The following ABCC9 variants were observed in gnomAD, a reference collection of about 807,000 sequenced individuals.
ABCC9 encodes ATP-binding cassette sub-family C member 9.
ABCC9 carries 95 observed loss-of-function variants against 188.3 expected under a neutral mutation model. That is an observed-to-expected ratio of 0.50 (90% CI 0.43 to 0.60). The LOEUF (loss-of-function observed/expected upper bound fraction) is 0.60, where lower values mean the gene tolerates loss of function less well. Among genes scored for constraint, ABCC9 ranks in the 20% least tolerant of loss-of-function variants. The probability of loss-of-function intolerance (pLI) is 0.00; values close to 1 mark genes in which losing one functional copy is unlikely to be tolerated. For synonymous variants in ABCC9, 659 were observed against 652.7 expected, an observed-to-expected ratio of 1.01 and a Z score of -0.15; for missense variants, 1,102 against 1,876.3, an observed-to-expected ratio of 0.59 and a Z score of 7.62.
intron 31 of ABCC9, among the ~76,000 whole-genome samples, chr12:21,820,715 C>T (rs944174348): frequency 1.2e-4 from 19 of 152,006 alleles, no homozygotes; most frequent in African/African-American, 3.9e-4. Flanking sequence ...AAATGCTTGT[C>T]GGTAGGTCTC....
At chr12:21,838,898 C>T (rs2137344790) in intron 29 of ABCC9, among the ~76,000 whole-genome samples, 1 of 152,184 alleles carries the variant, frequency 6.6e-6, no homozygotes, top group Non-Finnish European at 1.5e-5. Context: ...TGGTGGTGCA[C>T]ACCAGTAATC....
chr12:21,839,394 A>G (rs1944264473), intron 29 of ABCC9, among the ~76,000 whole-genome samples: 1 of 152,198 alleles, frequency 6.6e-6, no homozygotes. Flanking sequence ...GAGGGAAAGG[A>G]TAATGAGTTT....
At chr12:21,868,092 G>T (rs921788225) in intron 18 of ABCC9, among the ~76,000 whole-genome samples, 9 of 152,152 alleles carry the variant, frequency 5.9e-5, no homozygotes, top group African/African-American at 2.2e-4. Context: ...CAATTTTGGA[G>T]AATTTTTTTC....
chr12:21,892,265 A>AT (rs559738987), intron 14 of ABCC9, among the ~76,000 whole-genome samples: 100 of 151,392 alleles, frequency 6.6e-4, no homozygotes, highest in Non-Finnish European at 1.2e-3. Flanking sequence ...GATTGTTTTC[A>AT]TTTTTTTTTA....
chr12:21,817,069 G>T, intron 33 of ABCC9, 118 bp downstream of exon 33: 1 of 1,146,040 alleles, frequency 8.7e-7, no homozygotes, highest in Non-Finnish European at 1.3e-6. Flanking sequence ...CAAGATATGA[G>T]AGAGTTTTCT....
chr12:21,919,153 G>A (rs1203566058), intron 5 of ABCC9, among the ~76,000 whole-genome samples: 1 of 151,564 alleles, frequency 6.6e-6, no homozygotes, highest in African/African-American at 2.4e-5. Context: ...GAATAAAAAA[G>A]GATCCCCCAA....
intron 4 of ABCC9, among the ~76,000 whole-genome samples, chr12:21,931,087 C>T (rs1464120283): frequency 6.6e-6 from 1 of 152,100 alleles, no homozygotes; most frequent in East Asian, 1.9e-4. Flanking sequence ...TATGGTTTGG[C>T]TGTGTTCCCA....
At chr12:21,805,688 A>G (rs1941788678) in intron 39 of ABCC9, among the ~76,000 whole-genome samples, 1 of 152,178 alleles carries the variant, frequency 6.6e-6, no homozygotes, top group African/African-American at 2.4e-5. Context: ...AGATTATAGA[A>G]AAGAGAATTA....
At chr12:21,889,322 T>C (rs901199638) in intron 14 of ABCC9, among the ~76,000 whole-genome samples, 1 of 146,008 alleles carries the variant, frequency 6.8e-6, no homozygotes, top group African/African-American at 2.4e-5. Flanking sequence ...AAAAACAGTG[T>C]TATAAATGCG....
intron 30 of ABCC9, among the ~76,000 whole-genome samples, chr12:21,830,621 C>T (rs563202048): frequency 2.6e-5 from 4 of 152,252 alleles, no homozygotes; most frequent in African/African-American, 4.8e-5. Context: ...CCATACAGGC[C>T]AATATAAAGC....
chr12:21,902,255 C>G (rs1472292430), intron 12 of ABCC9, among the ~76,000 whole-genome samples: 3 of 152,066 alleles, frequency 2.0e-5, no homozygotes, highest in Admixed American at 2.0e-4. Flanking sequence ...CCAACGAGAA[C>G]AAAGACACAA....
chr12:21,929,865 G>A (rs1949204558), intron 4 of ABCC9, among the ~76,000 whole-genome samples: 1 of 152,020 alleles, frequency 6.6e-6, no homozygotes, highest in Admixed American at 6.6e-5. Flanking sequence ...TTAAGTTCTA[G>A]GGTACATGTG....
intron 10 of ABCC9, among the ~76,000 whole-genome samples, chr12:21,909,533 C>T (rs929905852): frequency 2.6e-5 from 4 of 151,820 alleles, no homozygotes; most frequent in South Asian, 2.1e-4. Context: ...AAGAAGAAAA[C>T]GTGTCTTTAC....
intron 26 of ABCC9, 131 bp from the exon 27 acceptor site, chr12:21,845,046 A>T: frequency 8.3e-7 from 1 of 1,208,730 alleles, no homozygotes; most frequent in African/African-American, 1.5e-5. Flanking sequence ...CGGTTGAAGG[A>T]ATGCAATTTT....
chr12:21,862,101 ATT>A (rs1013787620), intron 20 of ABCC9, among the ~76,000 whole-genome samples: 3 of 151,042 alleles, frequency 2.0e-5, no homozygotes, highest in Admixed American at 6.6e-5. Flanking sequence ...TTGTTCTTCA[ATT>A]TTTTTTTCTC....
At chr12:21,859,509 G>T in intron 22 of ABCC9, 77 bp downstream of exon 22, 4 of 1,394,550 alleles carry the variant, frequency 2.9e-6, no homozygotes, top group Non-Finnish European at 1.0e-6. Flanking sequence ...TGAGTTACTT[G>T]ACTTACACCT....
In ABCC9 at chr12:21,799,853, T is replaced by C. The variant is rs1416826405; in HGVS notation, c.*1191A>G. 1 of 152,186 alleles carries C rather than the reference T, an allele frequency of 6.6e-6. No individual in the cohort carries two copies. 9.4% of individuals were successfully genotyped at this position (152,186 alleles called of 1,614,324 possible). Reference sequence around the variant, plus strand: ...TGACAAAGAAGGTGACTTTTAGTATTTTTGAATTTATTAATTTTCATTTAA... The same window carrying C: ...TGACAAAGAAGGTGACTTTTAGTATCTTTGAATTTATTAATTTTCATTTAA... On this transcript the variant is annotated 3_prime_UTR_variant, in exon 40 of 40. Transcript: ENST00000261200.
intron 32 of ABCC9, 89 bp from the exon 33 acceptor site, chr12:21,817,396 G>T: frequency 7.8e-7 from 1 of 1,290,208 alleles, no homozygotes; most frequent in Non-Finnish European, 1.1e-6. Context: ...GAGATAACTT[G>T]GACCATTAGT....
At chr12:21,853,831 A>G (rs1472680362) in intron 22 of ABCC9, among the ~76,000 whole-genome samples, 1 of 152,206 alleles carries the variant, frequency 6.6e-6, no homozygotes, top group African/African-American at 2.4e-5. Context: ...ATGGCAGGGA[A>G]TGAAAGAAAC....
Sources: allele counts gnomAD v4.1 joint callset (sites outside exome capture counted in the v4.1 genomes callset), GRCh38; gene constraint gnomAD v4.1.1; transcripts MANE v1.5; gene names NCBI Gene and HGNC (gene_info 2026-07-23, HGNC 2026-07-21).